PPP2R3B: variants seen among roughly 807,000 people sequenced by gnomAD.
PPP2R3B encodes serine/threonine-protein phosphatase 2A regulatory subunit B'' subunit beta.
In PPP2R3B, 68 loss-of-function variants were observed where a neutral mutation model predicts 72.9. The observed-to-expected ratio is 0.93, with a 90% CI of 0.77 to 1.14. The LOEUF is 1.14. PPP2R3B is among the 50% of genes most tolerant of loss of function. The probability of loss-of-function intolerance (pLI) is 0.00; values close to 1 mark genes in which losing one functional copy is unlikely to be tolerated. For synonymous variants in PPP2R3B, 466 were observed against 375.8 expected (o/e 1.24, Z -2.78); for missense variants, 1,018 against 842.0 (o/e 1.21, Z -2.59).
intron 1 of PPP2R3B, among the ~76,000 whole-genome samples, chrX:376,119 A>G (rs111541935): frequency 6.6e-6 from 1 of 152,054 alleles, no homozygotes; most frequent in Non-Finnish European, 1.5e-5. Flanking sequence ...TGAACTCAGA[A>G]GGCAGAGGTT....
chrX:366,789 G>T (rs2071720128), intron 1 of PPP2R3B, among the ~76,000 whole-genome samples: 1 of 115,656 alleles, frequency 8.6e-6, no homozygotes, highest in Non-Finnish European at 1.8e-5. Flanking sequence ...CTTCAACACA[G>T]GAGGCAGAGG....
At chrX:364,023 C>G (rs897510867) in intron 1 of PPP2R3B, among the ~76,000 whole-genome samples, 6 of 152,268 alleles carry the variant, frequency 3.9e-5, no homozygotes, top group Non-Finnish European at 8.8e-5. Flanking sequence ...CAGGCCACAG[C>G]TGCCTGGAAG....
At chrX:376,466 G>C (rs1407201428) in intron 1 of PPP2R3B, among the ~76,000 whole-genome samples, 2 of 152,136 alleles carry the variant, frequency 1.3e-5, no homozygotes, top group Non-Finnish European at 2.9e-5. Flanking sequence ...CCGTGTACAG[G>C]GACGGGCCGT....
Position 381,052 on chromosome X carries a change from C to G in PPP2R3B, c.324+5316G>C, listed in dbSNP as rs2072113823. Among the ~76,000 whole-genome samples the G allele has an allele frequency of 1.3e-5, 2 of 151,824 alleles. 1 individual carries two copies. The highest frequency in any genetic ancestry group is 4.1e-4 in the South Asian group (2 of 4,826). The stretch of plus-strand genomic sequence containing the variant: ...CTGGGATCTTCCTGCCTCAGCCTCA[C>G]AAGCAGCTGAGACTTCAGGCATGAA... On this transcript the variant is annotated intron_variant, in intron 1 of 12. Coordinates refer to ENST00000390665, the MANE Select transcript of PPP2R3B (RefSeq NM_013239.5).
chrX:338,959 G>C, intron 10 of PPP2R3B, 63 bp from the exon 11 acceptor site: 3 of 1,363,738 alleles, frequency 2.2e-6, no homozygotes, highest in South Asian at 2.3e-5. Flanking sequence ...GCCTGGGTGT[G>C]GGGTGCGCGC....
rs936214825 is a variant in PPP2R3B at position 344,551 on chromosome X, G to A, written c.1036+965C>T. ...CCGAGAGTGGGCTCCAGAGGAACGCGGAAAGCTGGGGCCGCGCCGGGCCGG... is the reference window on the plus strand; with the variant it reads ...CCGAGAGTGGGCTCCAGAGGAACGCAGAAAGCTGGGGCCGCGCCGGGCCGG... On this transcript the variant is annotated intron_variant, in intron 7 of 12. Coordinates refer to ENST00000390665, the MANE Select transcript of PPP2R3B (RefSeq NM_013239.5). Among the ~76,000 whole-genome samples the A allele has an allele frequency of 4.6e-5, 7 of 152,380 alleles. No individual in the cohort carries two copies. The East Asian group carries it at 7.7e-4, about 17-fold the overall frequency.
At chrX:338,508 G>T in intron 12 of PPP2R3B, 96 bp downstream of exon 12, 1 of 1,201,150 alleles carries the variant, frequency 8.3e-7, no homozygotes. Context: ...CGCATCCCCC[G>T]GCTGCACACA....
intron 2 of PPP2R3B, among the ~76,000 whole-genome samples, chrX:351,609 C>T (rs1333763556): frequency 4.6e-5 from 6 of 129,036 alleles, no homozygotes; most frequent in Non-Finnish European, 8.5e-5. Flanking sequence ...GTGATCACAG[C>T]GTGATCCATT....
intron 1 of PPP2R3B, among the ~76,000 whole-genome samples, chrX:364,411 A>G (rs889646625): frequency 4.0e-5 from 6 of 151,310 alleles, no homozygotes; most frequent in Non-Finnish European, 7.4e-5. Flanking sequence ...CGTGCCTGCA[A>G]TCCTGGCGCT....
intron 1 of PPP2R3B, among the ~76,000 whole-genome samples, chrX:369,632 A>T (rs1262216877): frequency 6.6e-6 from 1 of 152,196 alleles, no homozygotes; most frequent in Non-Finnish European, 1.5e-5. Flanking sequence ...ACCGTGACAC[A>T]TCCTCTCGCG....
At chrX:382,370 G>T (rs906285056) in intron 1 of PPP2R3B, among the ~76,000 whole-genome samples, 1 of 151,776 alleles carries the variant, frequency 6.6e-6, no homozygotes, top group African/African-American at 2.4e-5. Flanking sequence ...GCTAATTTTT[G>T]TATTTTTAGT....
intron 12 of PPP2R3B, 39 bp downstream of exon 12, chrX:338,565 A>T: frequency 1.5e-6 from 2 of 1,376,700 alleles, no homozygotes; most frequent in Non-Finnish European, 9.7e-7. Context: ...CCGTCCTCCC[A>T]CTGACCCGTC....
In PPP2R3B at chrX:344,329, G is replaced by A. The variant is rs190359260; in HGVS notation, c.1036+1187C>T. 9.8e-3 allele frequency among the ~76,000 whole-genome samples: 1,481 copies of A among 151,824 alleles called. 46 individuals carry two copies. The highest frequency in any genetic ancestry group is 0.034 in the African/African-American group (1,394 of 41,386). Reference sequence around the variant, plus strand: ...CCTCACCAACGGGAGGCGGGAGGGAGACCTCACCAACGGGAGGCAGGAGTG... The same window carrying A: ...CCTCACCAACGGGAGGCGGGAGGGAAACCTCACCAACGGGAGGCAGGAGTG... On this transcript the variant is annotated intron_variant, in intron 7 of 12. Coordinates refer to ENST00000390665, the MANE Select transcript of PPP2R3B (RefSeq NM_013239.5).
At chrX:346,303 A>G in intron 5 of PPP2R3B, 43 bp from the exon 6 acceptor site, 1 of 1,527,246 alleles carries the variant, frequency 6.5e-7, no homozygotes. Context: ...AGAGACCCCC[A>G]GGAGCCTCGC....
At chrX:345,074 C>T (rs62581481) in intron 7 of PPP2R3B, 107,481 of 431,038 alleles carry the variant, frequency 0.25, 15,047 homozygotes, top group Middle Eastern at 0.32. Flanking sequence ...CCGGCTCCCG[C>T]GGAGGTATAT....
chrX:340,507 CCCT>C (rs2071033002), intron 10 of PPP2R3B, among the ~76,000 whole-genome samples: 1 of 129,744 alleles, frequency 7.7e-6, no homozygotes, highest in Non-Finnish European at 1.6e-5. Flanking sequence ...CGTCCCCTCA[CCCT>C]GGGCCGTCCC....
chrX:361,458 C>A lies in PPP2R3B; in HGVS notation c.457G>T (p.Ala153Ser). ...AVISKIESTFARFPHERATMD... is the reference protein window; with the variant it reads ...AVISKIESTFSRFPHERATMD... ...GTGGCCCTCTCGTGGGGGAACCGGG[C>A]GAAGGTGCTCTCGATCTTGCTGATG... The change falls in exon 2 of 13, where the codon GCC (alanine) becomes TCC (serine). Residue 153 changes from alanine to serine, a missense_variant. By Grantham distance (99) the Ala-to-Ser change is moderately conservative. Transcript: ENST00000390665. 1 of 1,613,864 alleles carries A rather than the reference C, an allele frequency of 6.2e-7. No homozygotes were observed. Among genetic ancestry groups the A allele is most frequent in the Non-Finnish European group, 8.5e-7 (1 of 1,179,812 alleles).
chrX:358,731 G>A (rs2124167240), intron 2 of PPP2R3B, among the ~76,000 whole-genome samples: 1 of 152,218 alleles, frequency 6.6e-6, no homozygotes, highest in East Asian at 1.9e-4. Context: ...AGTCCTGGAA[G>A]GAAAATGACA....
chrX:353,383 A>C (rs1311973843), intron 2 of PPP2R3B, among the ~76,000 whole-genome samples: 1 of 133,922 alleles, frequency 7.5e-6, no homozygotes, highest in East Asian at 3.0e-4. Flanking sequence ...CCAAAAAAAA[A>C]AGAGAAAAGA....
Sources: gnomAD v4.1 joint callset for allele counts (sites outside exome capture counted in the v4.1 genomes callset) on GRCh38, gnomAD v4.1.1 for gene constraint, MANE v1.5 for transcripts, NCBI Gene and HGNC (gene_info 2026-07-23, HGNC 2026-07-21) for gene names.